Variants in ZNF215 observed in about 807,000 individuals in gnomAD.
The protein encoded by ZNF215 is zinc finger protein 215, also known as BWSCR2-associated zinc finger protein 2.
ZNF215 carries 24 observed loss-of-function variants against 27.2 expected under a neutral mutation model. The observed-to-expected ratio is 0.88, with a 90% CI of 0.64 to 1.24. The LOEUF is 1.24. ZNF215 is among the 50% of genes most tolerant of loss of function. The pLI, the probability that ZNF215 is intolerant of heterozygous loss-of-function variation, is 0.00. For synonymous variants in ZNF215, 210 were observed against 204.0 expected (o/e 1.03, Z -0.25); for missense variants, 675 against 605.7 (o/e 1.11, Z -1.20).
intron 5 of ZNF215, among the ~76,000 whole-genome samples, chr11:6,977,625 T>G (rs1424617205): frequency 6.6e-6 from 1 of 151,884 alleles, no homozygotes; most frequent in African/African-American, 2.4e-5. Context: ...TAGGTATGCA[T>G]GCAAATACAG....
intron 6 of ZNF215, among the ~76,000 whole-genome samples, chr11:6,954,463 C>T (rs904890200): frequency 3.3e-5 from 5 of 152,352 alleles, no homozygotes; most frequent in South Asian, 2.1e-4. Context: ...CCCCCAGCCT[C>T]GCTGCCACCT....
intron 5 of ZNF215, among the ~76,000 whole-genome samples, chr11:6,980,607 TTTATTA>T (rs76218427): frequency 0.32 from 47,936 of 150,794 alleles, 7,881 homozygotes; most frequent in African/African-American, 0.39. Context: ...TAGTTTACTT[TTTATTA>T]TTATTATTAT....
chr11:6,977,047 G>A (rs371726120), intron 5 of ZNF215, among the ~76,000 whole-genome samples: 3 of 151,996 alleles, frequency 2.0e-5, no homozygotes, highest in East Asian at 3.9e-4. Flanking sequence ...TGGTTGTATC[G>A]CCTTCTCTTC....
Position 6,956,117 on chromosome 11 carries a change from A to G in ZNF215, c.1140A>G (p.Glu380=), listed in dbSNP as rs1850335058. The G allele has an allele frequency of 1.9e-6, 3 of 1,613,650 alleles. No individual in the cohort carries two copies. The highest frequency in any genetic ancestry group is 1.3e-5 in the African/African-American group (1 of 74,932). The change falls in exon 7 of 7, where the codon GAA becomes GAG. Residue 380 remains glutamate, a synonymous_variant. Coordinates refer to ENST00000278319, the MANE Select transcript of ZNF215 (RefSeq NM_013250.4). ...QKSHTTMNSY[E]CYQCGKAFCR... is the part of the protein sequence containing the mutation. The stretch of plus-strand genomic sequence containing the variant: ...GTCATACTACAATGAATTCCTATGA[A>G]TGTTATCAATGTGGGAAAGCCTTCT...
chr11:6,943,474 C>T, intron 5 of ZNF215, 72 bp from the exon 6 acceptor site: 1 of 1,397,214 alleles, frequency 7.2e-7, no homozygotes, highest in Non-Finnish European at 1.0e-6. Flanking sequence ...ATAGAATTAT[C>T]TTCTCTATAA....
At chr11:6,931,245 C>T (rs918372068) in intron 2 of ZNF215, among the ~76,000 whole-genome samples, 2 of 152,210 alleles carry the variant, frequency 1.3e-5, no homozygotes, top group African/African-American at 4.8e-5. Flanking sequence ...TTGGCAGGCT[C>T]TTTGAGACAA....
At chr11:6,978,756 CAA>C (rs34770499) in intron 5 of ZNF215, among the ~76,000 whole-genome samples, 3 of 149,826 alleles carry the variant, frequency 2.0e-5, no homozygotes, top group Non-Finnish European at 4.5e-5. Flanking sequence ...CCATCTCTAC[CAA>C]AAAAAAAAAT....
At chr11:6,955,573 C>A (rs1850299881) in intron 6 of ZNF215, 117 bp from the exon 7 acceptor site, 2 of 1,104,158 alleles carry the variant, frequency 1.8e-6, no homozygotes, top group Middle Eastern at 2.4e-4. Flanking sequence ...CCTTGCCTCA[C>A]ATTTCCATTC....
At chr11:6,989,436 T>C (rs1364358915), downstream of ZNF215, among the ~76,000 whole-genome samples, 1 of 152,168 alleles carries the variant, frequency 6.6e-6, no homozygotes, top group Non-Finnish European at 1.5e-5. Flanking sequence ...TACTAGGCCC[T>C]AGTGGACACT....
downstream of ZNF215, among the ~76,000 whole-genome samples, chr11:6,960,409 G>A (rs1271295174): frequency 6.6e-6 from 1 of 152,138 alleles, no homozygotes; most frequent in African/African-American, 2.4e-5. Flanking sequence ...GAAAAGACCA[G>A]CATCCAGCCT....
chr11:6,959,968 G>A (rs763900146), downstream of ZNF215, among the ~76,000 whole-genome samples: 6 of 151,890 alleles, frequency 4.0e-5, no homozygotes, highest in Non-Finnish European at 7.4e-5. Context: ...ATCATATACA[G>A]ATGTATACAT....
At chr11:6,954,082 C>A (rs565325744) in intron 6 of ZNF215, among the ~76,000 whole-genome samples, 1 of 152,138 alleles carries the variant, frequency 6.6e-6, no homozygotes, top group Non-Finnish European at 1.5e-5. Flanking sequence ...GCTGTCTGAT[C>A]GTTTCTCTGG....
At chr11:6,980,800 C>T (rs1226414228) in intron 5 of ZNF215, among the ~76,000 whole-genome samples, 1 of 141,224 alleles carries the variant, frequency 7.1e-6, no homozygotes, top group Non-Finnish European at 1.5e-5. Flanking sequence ...TGATGTTCCC[C>T]TTCCTGTGTC....
At chr11:6,987,603 T>C (rs560445475), downstream of ZNF215, among the ~76,000 whole-genome samples, 2 of 152,324 alleles carry the variant, frequency 1.3e-5, no homozygotes, top group East Asian at 1.9e-4. Context: ...CTATCTTTTG[T>C]TATCTTTTCA....
chr11:6,976,925 A>G (rs2133346219), intron 5 of ZNF215, among the ~76,000 whole-genome samples: 1 of 152,200 alleles, frequency 6.6e-6, no homozygotes, highest in East Asian at 1.9e-4. Flanking sequence ...CAAAAAGTCA[A>G]GATGTTGGCA....
chr11:6,963,084 A>G (rs565322626), intron 5 of ZNF215, among the ~76,000 whole-genome samples: 20 of 152,196 alleles, frequency 1.3e-4, no homozygotes, highest in Non-Finnish European at 2.9e-4. Context: ...CTACTCATCC[A>G]TCTTTCCTGG....
At chr11:6,951,637 A>C (rs1850070668) in intron 6 of ZNF215, among the ~76,000 whole-genome samples, 1 of 152,118 alleles carries the variant, frequency 6.6e-6, no homozygotes, top group East Asian at 1.9e-4. Context: ...CTTCTGTATT[A>C]GTCTTGCTAG....
intron 6 of ZNF215, among the ~76,000 whole-genome samples, chr11:6,952,623 T>TG (rs1286740836): frequency 6.6e-6 from 1 of 152,016 alleles, no homozygotes; most frequent in Non-Finnish European, 1.5e-5. Flanking sequence ...TGAGCCTATG[T>TG]GTGTCTCTGC....
rs185064906 is a variant in ZNF215 at position 6,952,880 on chromosome 11, T to G, written c.713-2810T>G. Among the ~76,000 whole-genome samples, 1,516 of 151,746 alleles carry G rather than the reference T, an allele frequency of 1.0e-2. 26 individuals are homozygous for G. The highest frequency in any genetic ancestry group is 0.033 in the African/African-American group (1,389 of 41,470). On this transcript the variant is annotated intron_variant, in intron 6 of 6. Coordinates refer to ENST00000278319, the MANE Select transcript of ZNF215 (RefSeq NM_013250.4). ...TTTTGCAGTGGCTGGTACCGGTTGTTCCTTTCCATGTTTAGTGCTTCCTTC... is the reference window on the plus strand; with the variant it reads ...TTTTGCAGTGGCTGGTACCGGTTGTGCCTTTCCATGTTTAGTGCTTCCTTC...
Sources: allele counts gnomAD v4.1 joint callset (sites outside exome capture counted in the v4.1 genomes callset), GRCh38; gene constraint gnomAD v4.1.1; transcripts MANE v1.5; gene names NCBI Gene and HGNC (gene_info 2026-07-23, HGNC 2026-07-21).